The following MYO10 variants were observed in gnomAD, a reference collection of about 807,000 sequenced individuals.
MYO10 encodes the protein unconventional myosin-X.
In MYO10, 133 loss-of-function variants were observed where a neutral mutation model predicts 257.3. The ratio of observed to expected loss-of-function variants is 0.52; its 90% confidence interval spans 0.45 to 0.60. The LOEUF (loss-of-function observed/expected upper bound fraction) is 0.60. MYO10 is among the 20% of genes least tolerant of loss of function. MYO10 has a pLI of 0.00. For synonymous variants in MYO10, 1,104 were observed against 1,028.6 expected (o/e 1.07, Z -1.40); for missense variants, 2,399 against 2,635.7 (o/e 0.91, Z 1.97).
chr5:16,902,518 G>C (rs1273385815), intron 1 of MYO10: 1 of 1,576,826 alleles, frequency 6.3e-7, no homozygotes, highest in Non-Finnish European at 8.6e-7. Flanking sequence ...ACTATGTTTC[G>C]AATGACGAAT....
chr5:16,800,217 T>A (rs1742082346), intron 3 of MYO10, among the ~76,000 whole-genome samples: 1 of 152,088 alleles, frequency 6.6e-6, no homozygotes, highest in African/African-American at 2.4e-5. Flanking sequence ...GCCTAGTGAG[T>A]TACCATGAAA....
At chr5:16,727,854 C>T (rs1371647751) in intron 19 of MYO10, among the ~76,000 whole-genome samples, 1 of 147,882 alleles carries the variant, frequency 6.8e-6, no homozygotes, top group Non-Finnish European at 1.5e-5. Context: ...GGCACATACA[C>T]TCCGATCCTT....
At chr5:16,895,636 C>T (rs1210153193) in intron 1 of MYO10, among the ~76,000 whole-genome samples, 1 of 151,884 alleles carries the variant, frequency 6.6e-6, no homozygotes, top group Non-Finnish European at 1.5e-5. Flanking sequence ...CTGAGACACC[C>T]AAAGGAATTT....
chr5:16,716,127 G>A (rs954003124), intron 19 of MYO10, among the ~76,000 whole-genome samples: 2 of 151,464 alleles, frequency 1.3e-5, no homozygotes, highest in Admixed American at 6.6e-5. Context: ...ATGGATGGAA[G>A]AGAAAGTTTG....
rs558656977 is a variant in MYO10 at position 16,917,925 on chromosome 5, G to A, written c.21+17863C>T. Among the ~76,000 whole-genome samples, 12 of 152,130 alleles carry A rather than the reference G, an allele frequency of 7.9e-5. No individual in the cohort carries two copies. The South Asian group carries it at 2.5e-3, about 32-fold the overall frequency. On this transcript the variant is annotated intron_variant, in intron 1 of 40. Transcript: ENST00000513610. ...GTATCCATCCCTTGATAACTTCCAG[G>A]CTACATACTTTACAACAAAGAATAT...
intron 1 of MYO10, among the ~76,000 whole-genome samples, chr5:16,887,771 G>A (rs1418970222): frequency 6.6e-6 from 1 of 152,136 alleles, no homozygotes; most frequent in Non-Finnish European, 1.5e-5. Context: ...GATTACAGAC[G>A]TGAGCCACCA....
chr5:16,802,670 A>AAG (rs1553997984), intron 3 of MYO10, among the ~76,000 whole-genome samples: 4 of 150,856 alleles, frequency 2.7e-5, no homozygotes, highest in Non-Finnish European at 5.9e-5. Flanking sequence ...AAAAAAAAAA[A>AAG]AAAGAAAGAA....
rs1738815591 is a variant in MYO10 at position 16,715,394 on chromosome 5, T to TTTC, written c.1930-4150_1930-4149insGAA. 1.6e-5 allele frequency among the ~76,000 whole-genome samples: 2 copies of TTTC among 123,632 alleles called. 1 individual carries two copies. The highest frequency in any genetic ancestry group is 3.2e-5 in the Non-Finnish European group (2 of 62,816). 81.1% of individuals were successfully genotyped at this position (123,632 alleles called of 152,430 possible). On this transcript the variant is annotated intron_variant, in intron 19 of 40. Transcript: ENST00000513610. ...GGCGATGGTGCCGTAAGATTGAAATTTTTTTTTTTTTTTTTTTTTTTTTGA... is the reference window on the plus strand; with the variant it reads ...GGCGATGGTGCCGTAAGATTGAAATTTTCTTTTTTTTTTTTTTTTTTTTTTTGA...
At chr5:16,757,147 G>A (rs1305612133) in intron 18 of MYO10, among the ~76,000 whole-genome samples, 3 of 146,650 alleles carry the variant, frequency 2.0e-5, no homozygotes, top group African/African-American at 5.1e-5. Context: ...AAAAAAAGTC[G>A]GGTGTAGTGG....
chr5:16,905,284 G>T (rs1745489400), intron 1 of MYO10, among the ~76,000 whole-genome samples: 2 of 152,116 alleles, frequency 1.3e-5, no homozygotes, highest in African/African-American at 4.8e-5. Context: ...CCTTGTCTGG[G>T]CTCATTCAGC....
chr5:16,865,108 G>A (rs555131527), intron 2 of MYO10, among the ~76,000 whole-genome samples: 41 of 152,102 alleles, frequency 2.7e-4, no homozygotes, highest in Non-Finnish European at 5.3e-4. Flanking sequence ...CAACTGTTTT[G>A]ATTGAAGTGA....
At chr5:16,870,136 T>C (rs1184645287) in intron 2 of MYO10, among the ~76,000 whole-genome samples, 2 of 151,308 alleles carry the variant, frequency 1.3e-5, no homozygotes, top group Non-Finnish European at 2.9e-5. Context: ...CTGAGAATTA[T>C]GATGCCGCAG....
Position 16,702,583 on chromosome 5 carries a change from C to G in MYO10, c.2516G>C (p.Arg839Thr). The G allele has an allele frequency of 6.3e-7, 1 of 1,581,808 alleles. No individual in the cohort carries two copies. Among genetic ancestry groups the G allele is most frequent in the Non-Finnish European group, 8.6e-7 (1 of 1,163,136 alleles). ...CTCGGCTTCTCTTCGCTCTCTCTCT[C>G]TTTCTCTAAAAATAGTAAAGGAAAA... ...KKKREEEERERERERREAELR... is the reference protein window; with the variant it reads ...KKKREEEERETERERREAELR... The change falls in exon 24 of 41, where the codon AGA becomes ACA. Residue 839 changes from arginine to threonine, a missense_variant. By Grantham distance (71) the Arg-to-Thr change is moderately conservative. Coordinates refer to ENST00000513610, the MANE Select transcript of MYO10 (RefSeq NM_012334.3).
chr5:16,750,438 G>T (rs968165544), intron 19 of MYO10, among the ~76,000 whole-genome samples: 1 of 151,716 alleles, frequency 6.6e-6, no homozygotes, highest in African/African-American at 2.4e-5. Context: ...CCAAACAAAA[G>T]CTCACAAAGG....
At chr5:16,847,295 G>A (rs1384192923) in intron 2 of MYO10, among the ~76,000 whole-genome samples, 1 of 151,520 alleles carries the variant, frequency 6.6e-6, no homozygotes, top group African/African-American at 2.4e-5. Context: ...ATGGTGGCAG[G>A]TGCCTGTAGT....
At chr5:16,868,026 ATAAC>A (rs1282350063) in intron 2 of MYO10, among the ~76,000 whole-genome samples, 14 of 152,220 alleles carry the variant, frequency 9.2e-5, no homozygotes, top group African/African-American at 2.9e-4. Flanking sequence ...AGTAAACTGA[ATAAC>A]TACCCCTTAA....
chr5:16,886,342 G>A (rs1045627497), intron 1 of MYO10, among the ~76,000 whole-genome samples: 2 of 152,146 alleles, frequency 1.3e-5, no homozygotes, highest in African/African-American at 4.8e-5. Flanking sequence ...TCTTTGGGCT[G>A]GAGAACAATT....
At chr5:16,726,396 C>G (rs114133727) in intron 19 of MYO10, among the ~76,000 whole-genome samples, 1 of 152,314 alleles carries the variant, frequency 6.6e-6, no homozygotes, top group African/African-American at 2.4e-5. Context: ...CTATCATGTA[C>G]CAAGGGCTTA....
chr5:16,768,664 C>CTTTTTTTTTTTTTTTT (rs34950225), intron 10 of MYO10, among the ~76,000 whole-genome samples: 13 of 70,140 alleles, frequency 1.9e-4, no homozygotes, highest in Admixed American at 2.5e-4. Flanking sequence ...TTTCTCTTTT[C>CTTTTTTTTTTTTTTTT]TTTTTTTTTT....
Sources: allele counts gnomAD v4.1 joint callset (sites outside exome capture counted in the v4.1 genomes callset), GRCh38; gene constraint gnomAD v4.1.1; transcripts MANE v1.5; gene names NCBI Gene and HGNC (gene_info 2026-07-23, HGNC 2026-07-21).